PEX14: variants seen among roughly 807,000 people sequenced by gnomAD.
PEX14 encodes the protein peroxisomal membrane protein PEX14.
Under a neutral mutation model 49.5 loss-of-function variants are expected in PEX14, and 15 were observed. The observed-to-expected ratio is 0.30, with a 90% confidence interval of 0.20 to 0.47. PEX14 has a LOEUF of 0.47. Ranked by LOEUF, PEX14 falls within the 20% of genes least tolerant of loss-of-function variation. The probability of loss-of-function intolerance (pLI) is 1.00; values close to 1 mark genes in which losing one functional copy is unlikely to be tolerated. For synonymous variants in PEX14, 210 were observed against 212.7 expected, an observed-to-expected ratio of 0.99 and a Z score of 0.11; for missense variants, 398 against 494.8, an observed-to-expected ratio of 0.80 and a Z score of 1.86.
intron 3 of PEX14, among the ~76,000 whole-genome samples, chr1:10,559,412 C>G (rs1639583412): frequency 2.0e-5 from 3 of 152,150 alleles, no homozygotes; most frequent in African/African-American, 7.2e-5. Context: ...TGAAAACCAC[C>G]TTATTTTAGA....
intron 3 of PEX14, among the ~76,000 whole-genome samples, chr1:10,586,127 ACAAAG>A (rs1218273623): frequency 1.3e-5 from 2 of 152,264 alleles, no homozygotes; most frequent in African/African-American, 2.4e-5. Context: ...GTACAAACAG[ACAAAG>A]CAATCCAGAT....
intron 3 of PEX14, among the ~76,000 whole-genome samples, chr1:10,585,564 A>G (rs1029690381): frequency 1.3e-5 from 2 of 152,246 alleles, no homozygotes; most frequent in Admixed American, 1.3e-4. Flanking sequence ...GGAAAAAGAT[A>G]CACCATGCAA....
chr1:10,541,678 C>T (rs2124492417), intron 3 of PEX14, among the ~76,000 whole-genome samples: 1 of 152,356 alleles, frequency 6.6e-6, no homozygotes, highest in East Asian at 1.9e-4. Flanking sequence ...CTGGCCCAGC[C>T]TATTCATCAC....
At chr1:10,499,759 T>C (rs1412987882) in intron 2 of PEX14, among the ~76,000 whole-genome samples, 1 of 152,120 alleles carries the variant, frequency 6.6e-6, no homozygotes, top group East Asian at 1.9e-4. Flanking sequence ...AAACTACAAT[T>C]TTTTCTGTAA....
At chr1:10,481,972 C>G (rs976477772) in intron 1 of PEX14, among the ~76,000 whole-genome samples, 12 of 151,452 alleles carry the variant, frequency 7.9e-5, no homozygotes, top group African/African-American at 2.9e-4. Context: ...CAGGCGCATG[C>G]CACCACACCT....
rs1163724338 is a variant in PEX14 at position 10,512,855 on chromosome 1, G to A, written c.84+17534G>A. 3.9e-5 allele frequency among the ~76,000 whole-genome samples: 6 copies of A among 152,130 alleles called. No individual in the cohort carries two copies. The East Asian group carries it at 7.8e-4, about 20-fold the overall frequency. On this transcript the variant is annotated intron_variant, in intron 2 of 8. Coordinates refer to ENST00000356607, the MANE Select transcript of PEX14 (RefSeq NM_004565.3). This position sits in a 1 kb window ranked among gnomAD's most constrained non-coding sequence, Gnocchi z 4.6. ...TGGGACTACAGGCGTGTGCCACCAC[G>A]CCCGGCTAATTTTTTGTATTTTTAG...
intron 2 of PEX14, among the ~76,000 whole-genome samples, chr1:10,506,105 C>T (rs927038123): frequency 1.3e-5 from 2 of 152,144 alleles, no homozygotes; most frequent in East Asian, 3.8e-4. Context: ...ATGGAACGTA[C>T]TCACCAGGCT....
At chr1:10,583,789 C>T (rs1249966928) in intron 3 of PEX14, among the ~76,000 whole-genome samples, 1 of 152,018 alleles carries the variant, frequency 6.6e-6, no homozygotes, top group African/African-American at 2.4e-5. Flanking sequence ...GCAAACCATG[C>T]AGATTTCTGG....
chr1:10,610,917 C>G (rs1311267909), intron 4 of PEX14, among the ~76,000 whole-genome samples: 3 of 151,992 alleles, frequency 2.0e-5, no homozygotes, highest in Non-Finnish European at 1.5e-5. Context: ...TCTTCCTGTT[C>G]TTCTTCTCCC....
At chr1:10,549,663 T>G (rs1179673945) in intron 3 of PEX14, among the ~76,000 whole-genome samples, 1 of 152,166 alleles carries the variant, frequency 6.6e-6, no homozygotes, top group Non-Finnish European at 1.5e-5. Flanking sequence ...ATGTTTCAGT[T>G]TGGATTTTTT....
At chr1:10,559,402 T>C (rs1639583269) in intron 3 of PEX14, among the ~76,000 whole-genome samples, 1 of 152,220 alleles carries the variant, frequency 6.6e-6, no homozygotes, top group African/African-American at 2.4e-5. Flanking sequence ...CTTGACATGC[T>C]GAAAACCACC....
At chr1:10,596,761 G>A (rs1336651356) in intron 3 of PEX14, among the ~76,000 whole-genome samples, 5 of 152,282 alleles carry the variant, frequency 3.3e-5, no homozygotes, top group African/African-American at 7.2e-5. Flanking sequence ...TTGTTAAAAC[G>A]CTTACTTTTA....
chr1:10,497,476 A>T (rs774517223), intron 2 of PEX14, among the ~76,000 whole-genome samples: 39 of 152,362 alleles, frequency 2.6e-4, no homozygotes, highest in Admixed American at 1.0e-3. Context: ...TGGGGAACAG[A>T]CAATTGAGGA....
intron 1 of PEX14, 88 bp downstream of exon 1, chr1:10,475,090 C>T (rs1345346127): frequency 4.6e-6 from 6 of 1,305,674 alleles, no homozygotes; most frequent in Non-Finnish European, 6.5e-6. Context: ...GGTAGGGACC[C>T]CGAGTCTCCG....
rs1011315458 is a variant in PEX14 at position 10,495,724 on chromosome 1, A to G, written c.84+403A>G. ...CCTCAGTGGTCTTTAAAGAACAGGT[A>G]AGCGATGGAATTCTGGTTTTGCCTG... On this transcript the variant is annotated intron_variant, in intron 2 of 8. Coordinates refer to ENST00000356607, the MANE Select transcript of PEX14 (RefSeq NM_004565.3). This position sits in a 1 kb window ranked among gnomAD's most constrained non-coding sequence, Gnocchi z 4.2. 3.3e-5 allele frequency among the ~76,000 whole-genome samples: 5 copies of G among 152,270 alleles called. No homozygotes were observed. Among genetic ancestry groups the G allele is most frequent in the African/African-American group, 1.2e-4 (5 of 41,558 alleles).
chr1:10,501,611 T>C (rs1641680730), intron 2 of PEX14, among the ~76,000 whole-genome samples: 1 of 152,068 alleles, frequency 6.6e-6, no homozygotes, highest in African/African-American at 2.4e-5. Flanking sequence ...CCTATTAGTT[T>C]ATTTTTAAAA....
At position 10,614,013 on chromosome 1, in the gene PEX14, C is replaced by T. The variant is rs914131021; in HGVS notation, c.299-4319C>T. ...GGTGGCGGGGAGGTGTGTTCCCAGG[C>T]GCCCTGCTCTCAGTTCCCTTGCGGG... On this transcript the variant is annotated intron_variant, in intron 4 of 8. Transcript: ENST00000356607. Among the ~76,000 whole-genome samples, 12 of 152,222 alleles carry T rather than the reference C, an allele frequency of 7.9e-5. No individual in the cohort carries two copies. The East Asian group carries it at 1.2e-3, about 15-fold the overall frequency.
At chr1:10,584,587 C>T (rs1236274777) in intron 3 of PEX14, among the ~76,000 whole-genome samples, 2 of 152,200 alleles carry the variant, frequency 1.3e-5, no homozygotes, top group East Asian at 1.9e-4. Flanking sequence ...AATAATAAAG[C>T]GAGTGTGATG....
At chr1:10,548,261 A>G (rs1639232332) in intron 3 of PEX14, among the ~76,000 whole-genome samples, 1 of 152,202 alleles carries the variant, frequency 6.6e-6, no homozygotes, top group Non-Finnish European at 1.5e-5. Flanking sequence ...TTTCTTTCTT[A>G]TCTGGCCTCA....
Sources: allele counts gnomAD v4.1 joint callset (sites outside exome capture counted in the v4.1 genomes callset), GRCh38; gene constraint gnomAD v4.1.1; non-coding constraint Gnocchi (gnomAD v3.1); transcripts MANE v1.5; gene names NCBI Gene and HGNC (gene_info 2026-07-23, HGNC 2026-07-21).